The following LGALS9 variants were observed in gnomAD, a reference collection of about 807,000 sequenced individuals.
LGALS9 encodes galectin-9.
Under a neutral mutation model 35.9 loss-of-function variants are expected in LGALS9, and 26 were observed. That is an observed-to-expected ratio of 0.72 (90% CI 0.53 to 1.01). LGALS9 has a LOEUF of 1.01. Among genes scored for constraint, LGALS9 ranks in the 50% least tolerant of loss-of-function variants. The pLI is 0.00. For synonymous variants in LGALS9, 149 were observed against 172.2 expected (o/e 0.87, Z 1.06); for missense variants, 347 against 445.8 (o/e 0.78, Z 1.99).
At position 27,642,302 on chromosome 17, in the gene LGALS9, C is replaced by A. The variant is rs899550465; in HGVS notation, c.398C>A (p.Thr133Asn). The A allele has an allele frequency of 3.7e-6, 6 of 1,612,482 alleles. No individual in the cohort carries two copies. The African/African-American group carries it at 4.0e-5, about 11-fold the overall frequency. ...CGCGTGCCCTTCCACCGTGTGGACA[C>A]CATCTCCGTCAATGGCTCTGTGCAG... ...FHRVPFHRVD[T>N]ISVNGSVQLS... The change falls in exon 4 of 11, where the codon ACC (threonine) becomes AAC (asparagine). Residue 133 changes from threonine (T) to asparagine (N), a missense_variant. Coordinates refer to ENST00000395473, the MANE Select transcript of LGALS9 (RefSeq NM_009587.3).
At chr17:27,631,535 A>T (rs1327999958) in intron 1 of LGALS9, among the ~76,000 whole-genome samples, 1 of 152,268 alleles carries the variant, frequency 6.6e-6, no homozygotes, top group East Asian at 1.9e-4. Flanking sequence ...GACAGTGTTG[A>T]CTGAGCTGTC....
chr17:27,647,167 T>C, intron 9 of LGALS9, 49 bp downstream of exon 9: 1 of 1,614,006 alleles, frequency 6.2e-7, no homozygotes, highest in Non-Finnish European at 8.5e-7. Flanking sequence ...CCCTTCAAGG[T>C]CAGTCCAGCC....
At chr17:27,647,483 G>A (rs1249649400) in intron 10 of LGALS9, 51 bp downstream of exon 10, 1 of 1,607,894 alleles carries the variant, frequency 6.2e-7, no homozygotes, top group Non-Finnish European at 8.5e-7. Context: ...GTGCACAGGG[G>A]GAGGGGGTAA....
At chr17:27,647,515 A>G in intron 10 of LGALS9, 83 bp downstream of exon 10, 1 of 1,568,550 alleles carries the variant, frequency 6.4e-7, no homozygotes, top group Non-Finnish European at 8.7e-7. Flanking sequence ...GGTACCTTGA[A>G]CAGTATGGGG....
chr17:27,635,272 C>T (rs1357600763), intron 1 of LGALS9, among the ~76,000 whole-genome samples: 5 of 151,952 alleles, frequency 3.3e-5, no homozygotes, highest in Admixed American at 6.6e-5. Flanking sequence ...CCCATCTTTA[C>T]AAAAAATATT....
chr17:27,649,013 G>C lies in LGALS9; in HGVS notation c.*31G>C, dbSNP rs376166449. 11 of 1,613,586 alleles carry C rather than the reference G, an allele frequency of 6.8e-6. No homozygotes were observed. Among genetic ancestry groups the C allele is most frequent in the Non-Finnish European group, 8.5e-6 (10 of 1,179,758 alleles). ...TTCCTGGCCCTGGGGCCGGGGGCTG[G>C]GGTGTGGGGCAGTCTGGGTCCTCTC... is the stretch of plus-strand genomic sequence containing the variant. On this transcript the variant is annotated 3_prime_UTR_variant, in exon 11 of 11. Transcript: ENST00000395473.
Position 27,640,612 on chromosome 17 carries a change from A to G in LGALS9, c.172A>G (p.Ile58Val). The G allele has an allele frequency of 6.2e-7, 1 of 1,614,128 alleles. No homozygotes were observed. Among genetic ancestry groups the G allele is most frequent in the East Asian group, 2.2e-5 (1 of 44,890 alleles). Reference protein sequence around the residue: ...NFQTGFSGNDIAFHFNPRFED... With the variant: ...NFQTGFSGNDVAFHFNPRFED... ...TCAGACTGGCTTCAGTGGAAATGACATTGCCTTCCACTTCAACCCTCGGTT... is the reference window on the plus strand; with the variant it reads ...TCAGACTGGCTTCAGTGGAAATGACGTTGCCTTCCACTTCAACCCTCGGTT... The change falls in exon 3 of 11, where the codon ATT becomes GTT. Residue 58 changes from isoleucine (I) to valine (V), a missense_variant. Coordinates refer to ENST00000395473, the MANE Select transcript of LGALS9 (RefSeq NM_009587.3).
chr17:27,633,704 A>G (rs1166900275), intron 1 of LGALS9, among the ~76,000 whole-genome samples: 1 of 152,262 alleles, frequency 6.6e-6, no homozygotes. Flanking sequence ...GATTTGTTCA[A>G]TGCAAAGAGC....
intron 7 of LGALS9, 45 bp downstream of exon 7, chr17:27,645,956 C>G (rs1193189857): frequency 6.2e-7 from 1 of 1,612,436 alleles, no homozygotes; most frequent in Non-Finnish European, 8.5e-7. Context: ...ACAGTGTCCT[C>G]CTTCACCAAA....
chr17:27,637,756 G>C (rs576482873), intron 1 of LGALS9, among the ~76,000 whole-genome samples: 1 of 152,298 alleles, frequency 6.6e-6, no homozygotes, highest in African/African-American at 2.4e-5. Context: ...TAACCTCCTC[G>C]GGTGAGTCGA....
At chr17:27,643,717 A>G in intron 5 of LGALS9, 97 bp downstream of exon 5, 1 of 1,476,700 alleles carries the variant, frequency 6.8e-7, no homozygotes, top group East Asian at 2.5e-5. Context: ...CTCAGGGCCT[A>G]CAGGCCGCAT....
intron 6 of LGALS9, chr17:27,645,574 T>C: frequency 9.3e-6 from 6 of 643,568 alleles, no homozygotes; most frequent in Non-Finnish European, 1.6e-5. Flanking sequence ...ATGCCCCACA[T>C]TCACTTCTGT....
Position 27,640,623 on chromosome 17 carries a change from C to G in LGALS9, c.183C>G (p.His61Gln). The change falls in exon 3 of 11, where the codon CAC (histidine) becomes CAG (glutamine). Residue 61 changes from histidine to glutamine, a missense_variant. Coordinates refer to ENST00000395473, the MANE Select transcript of LGALS9 (RefSeq NM_009587.3). ...TCAGTGGAAATGACATTGCCTTCCACTTCAACCCTCGGTTTGAAGATGGAG... is the reference window on the plus strand; with the variant it reads ...TCAGTGGAAATGACATTGCCTTCCAGTTCAACCCTCGGTTTGAAGATGGAG... ...TGFSGNDIAF[H>Q]FNPRFEDGGY... 1 of 1,614,180 alleles carries G rather than the reference C, an allele frequency of 6.2e-7. No individual in the cohort carries two copies. Among genetic ancestry groups the G allele is most frequent in the Non-Finnish European group, 8.5e-7 (1 of 1,179,992 alleles).
At chr17:27,643,844 T>C (rs545913346) in intron 5 of LGALS9, among the ~76,000 whole-genome samples, 8 of 152,234 alleles carry the variant, frequency 5.3e-5, no homozygotes, top group Non-Finnish European at 1.5e-5. Flanking sequence ...CACGAACGTG[T>C]CTCCCTCCTG....
At chr17:27,639,589 T>A (rs1248130593) in intron 2 of LGALS9, among the ~76,000 whole-genome samples, 1 of 152,110 alleles carries the variant, frequency 6.6e-6, no homozygotes, top group African/African-American at 2.4e-5. Flanking sequence ...TTTTTTCTTT[T>A]GAGACAGGGA....
Position 27,645,886 on chromosome 17 carries a change from A to G in LGALS9, c.602A>G (p.Gln201Arg). The G allele has an allele frequency of 6.2e-7, 1 of 1,600,998 alleles. No homozygotes were observed. Among genetic ancestry groups the G allele is most frequent in the Non-Finnish European group, 8.5e-7 (1 of 1,170,320 alleles). ...PITQTVIHTV[Q>R]SAPGQMFSTP... ...ACCCAGACAGTCATCCACACAGTGCAGAGCGCCCCTGGACAGATGTTCTCT... is the reference window on the plus strand; with the variant it reads ...ACCCAGACAGTCATCCACACAGTGCGGAGCGCCCCTGGACAGATGTTCTCT... Residue 201 changes from glutamine (Q) to arginine (R), a missense_variant, in exon 7 of 11, where the codon CAG becomes CGG. By Grantham distance (43) the Gln-to-Arg change is conservative (BLOSUM62 1). Coordinates refer to ENST00000395473, the MANE Select transcript of LGALS9 (RefSeq NM_009587.3).
rs772569098 is a variant in LGALS9 at position 27,643,419 on chromosome 17, G to C, written c.445-106G>C. ...AGGGCCCTAACCCCCTTGCCTCATC[G>C]CCCTGCCTGCCTGGTCTCTCCCTCT... is the stretch of plus-strand genomic sequence containing the variant. On this transcript the variant is annotated intron_variant, in intron 4 of 10. Coordinates refer to ENST00000395473, the MANE Select transcript of LGALS9 (RefSeq NM_009587.3). 4.2e-4 allele frequency: 650 copies of C among 1,540,334 alleles called. 2 individuals are homozygous for C. In the African/African-American group the frequency reaches 6.0e-3, roughly 14 times the overall value.
chr17:27,642,948 G>A (rs575121396), intron 4 of LGALS9, among the ~76,000 whole-genome samples: 59 of 152,332 alleles, frequency 3.9e-4, no homozygotes, highest in African/African-American at 1.1e-3. Context: ...GAGGTCTGCA[G>A]TCCTGGCTAC....
At chr17:27,644,227 A>G (rs1214673373) in intron 5 of LGALS9, 1 of 154,382 alleles carries the variant, frequency 6.5e-6, no homozygotes, top group African/African-American at 2.4e-5. Flanking sequence ...TTGCCCTTCC[A>G]TGCTCTGCCT....
Sources: allele counts gnomAD v4.1 joint callset (sites outside exome capture counted in the v4.1 genomes callset), GRCh38; gene constraint gnomAD v4.1.1; transcripts MANE v1.5; gene names NCBI Gene and HGNC (gene_info 2026-07-23, HGNC 2026-07-21).